Variants in WDR75 observed in about 807,000 individuals in gnomAD.
The protein encoded by WDR75 is WD repeat-containing protein 75.
A neutral mutation model predicts 106.1 loss-of-function variants in WDR75; 52 were observed. The observed-to-expected ratio is 0.49, with a 90% CI of 0.39 to 0.62. The LOEUF is 0.62. Among genes scored for constraint, WDR75 ranks in the 20% least tolerant of loss-of-function variants. The pLI is 0.00. For synonymous variants in WDR75, 333 were observed against 335.5 expected (o/e 0.99, Z 0.08); for missense variants, 905 against 970.3 (o/e 0.93, Z 0.89).
rs563181706 is a variant in WDR75 at position 189,458,392 on chromosome 2, A to G, written c.570-361A>G. ...CCATTTGTCTCAGATCTAATGTCTC[A>G]GGTTTGATTATGCCTCATGCTAAGA... On this transcript the variant is annotated intron_variant, in intron 6 of 20. Transcript: ENST00000314761. Among the ~76,000 whole-genome samples, 10 of 152,304 alleles carry G rather than the reference A, an allele frequency of 6.6e-5. No individual in the cohort carries two copies. The East Asian group carries it at 1.9e-3, about 29-fold the overall frequency.
Position 189,467,617 on chromosome 2 carries a change from T to C in WDR75, c.1597T>C (p.Cys533Arg), listed in dbSNP as rs756824762. 2 of 1,602,714 alleles carry C rather than the reference T, an allele frequency of 1.2e-6. No homozygotes were observed. The highest frequency in any genetic ancestry group is 1.1e-5 in the South Asian group (1 of 88,358). The change falls in exon 14 of 21, where the codon TGT becomes CGT. Residue 533 changes from cysteine (C) to arginine (R), a missense_variant. Physicochemically the swap from Cys to Arg is radical, Grantham distance 180. Coordinates refer to ENST00000314761, the MANE Select transcript of WDR75 (RefSeq NM_032168.3). ...IWDSVTWELK[C>R]TFCQRAGKIR... The stretch of plus-strand genomic sequence containing the variant: ...GGATTCTGTAACATGGGAACTTAAA[T>C]GTACATTTTGCCAACGAGCTGGGAA...
intron 16 of WDR75, among the ~76,000 whole-genome samples, 154 bp downstream of exon 16, chr2:189,469,593 G>C (rs748498470): frequency 4.6e-5 from 7 of 152,128 alleles, no homozygotes; most frequent in Non-Finnish European, 7.4e-5. Flanking sequence ...CTTTGTCATT[G>C]TGTGCGTCCA....
chr2:189,468,398 C>T (rs190108547), intron 14 of WDR75, 77 bp from the exon 15 acceptor site: 32 of 1,318,850 alleles, frequency 2.4e-5, no homozygotes, highest in African/African-American at 2.3e-4. Context: ...ATAGAACAGC[C>T]GCTGGAAGCC....
chr2:189,461,020 C>T (rs906478046), intron 8 of WDR75, among the ~76,000 whole-genome samples: 12 of 152,118 alleles, frequency 7.9e-5, no homozygotes, highest in African/African-American at 2.7e-4. Context: ...GAACTATATG[C>T]ACAATGTATC....
At position 189,451,785 on chromosome 2, in the gene WDR75, T is replaced by C; in HGVS notation, c.283-20T>C. On this transcript the variant is annotated intron_variant, in intron 3 of 20. Coordinates refer to ENST00000314761, the MANE Select transcript of WDR75 (RefSeq NM_032168.3). ...TGGAGGGAACAGACAGTAAACACTA[T>C]GGTGCTCTTTATCTTTCAGACTTTC... The C allele has an allele frequency of 1.2e-6, 2 of 1,602,532 alleles. No individual in the cohort carries two copies. Among genetic ancestry groups the C allele is most frequent in the South Asian group, 1.1e-5 (1 of 90,798 alleles).
chr2:189,463,452 A>G (rs1290716641), intron 9 of WDR75, among the ~76,000 whole-genome samples: 1 of 152,092 alleles, frequency 6.6e-6, no homozygotes. Context: ...TGAAGCTCTA[A>G]CCCAGGGGTG....
intron 8 of WDR75, among the ~76,000 whole-genome samples, chr2:189,462,277 A>G (rs1011236840): frequency 8.5e-5 from 13 of 152,156 alleles, no homozygotes; most frequent in African/African-American, 3.1e-4. Context: ...GTCAGCAACA[A>G]ACTAATCAGA....
At chr2:189,465,007 T>C (rs1363162222) in intron 11 of WDR75, 72 bp from the exon 12 acceptor site, 1 of 1,151,968 alleles carries the variant, frequency 8.7e-7, no homozygotes, top group East Asian at 2.5e-5. Flanking sequence ...AATTATCATT[T>C]CTTGAATGCT....
chr2:189,460,050 T>C (rs1008353671), intron 8 of WDR75, among the ~76,000 whole-genome samples: 2 of 152,366 alleles, frequency 1.3e-5, no homozygotes, highest in African/African-American at 2.4e-5. Context: ...AAAAATACCT[T>C]TAAAGTAAAG....
intron 15 of WDR75, 59 bp from the exon 16 acceptor site, chr2:189,469,285 T>C (rs1028081432): frequency 7.2e-7 from 1 of 1,388,374 alleles, no homozygotes; most frequent in African/African-American, 1.4e-5. Flanking sequence ...AAGAGAAGTT[T>C]TTTAAAGCTT....
chr2:189,474,064 T>A, intron 18 of WDR75, 122 bp from the exon 19 acceptor site: 1 of 1,064,250 alleles, frequency 9.4e-7, no homozygotes. Context: ...TCATACTAAC[T>A]GGATAATTTG....
chr2:189,462,358 CT>C, intron 8 of WDR75, 125 bp from the exon 9 acceptor site: 1 of 1,096,240 alleles, frequency 9.1e-7, no homozygotes, highest in Non-Finnish European at 1.3e-6. Context: ...TACGAAGACA[CT>C]TTTTGTAGCT....
At chr2:189,458,975 C>A (rs1013797949) in intron 7 of WDR75, 103 bp downstream of exon 7, 1 of 1,321,776 alleles carries the variant, frequency 7.6e-7, no homozygotes, top group Non-Finnish European at 1.0e-6. Flanking sequence ...CCTCCCTTTC[C>A]TTTTTTGTGT....
At position 189,451,405 on chromosome 2, in the gene WDR75, C is replaced by G. The variant is rs1686619140; in HGVS notation, c.283-400C>G. 2.6e-5 allele frequency among the ~76,000 whole-genome samples: 4 copies of G among 152,204 alleles called. No individual in the cohort carries two copies. The South Asian group carries it at 8.3e-4, about 32-fold the overall frequency. On this transcript the variant is annotated intron_variant, in intron 3 of 20. Coordinates refer to ENST00000314761, the MANE Select transcript of WDR75 (RefSeq NM_032168.3). ...GCCAAATTGTAGATTGAAAAAAAATCTAGTGATAGGTAAAGTATGGAGAAA... is the reference window on the plus strand; with the variant it reads ...GCCAAATTGTAGATTGAAAAAAAATGTAGTGATAGGTAAAGTATGGAGAAA...
At chr2:189,449,720 A>G in intron 2 of WDR75, 1 of 988,444 alleles carries the variant, frequency 1.0e-6, no homozygotes, top group Non-Finnish European at 1.2e-6. Context: ...GACTTGTTAC[A>G]TTTTACTAGT....
intron 1 of WDR75, 114 bp downstream of exon 1, chr2:189,441,692 T>G (rs1686369426): frequency 1.6e-6 from 2 of 1,228,202 alleles, no homozygotes; most frequent in Non-Finnish European, 2.3e-6. Flanking sequence ...GATATCGGCT[T>G]TGGGTAGAGC....
rs935761336 is a variant in WDR75 at position 189,449,834 on chromosome 2, A to G, written c.217-1069A>G. ...TATGGTTTTACTCCAACATTTTTAC[A>G]TTCCTCTTCTCTGAGTCCATGTCTC... On this transcript the variant is annotated intron_variant, in intron 2 of 20. Transcript: ENST00000314761. 9.9e-5 allele frequency: 97 copies of G among 984,740 alleles called. 1 individual carries two copies. In the African/African-American group the frequency reaches 1.6e-3, roughly 16 times the overall value. 61.0% of individuals were successfully genotyped at this position (984,740 alleles called of 1,614,324 possible).
In WDR75 at chr2:189,465,123, C is replaced by G. The variant is rs775109734; in HGVS notation, c.1158C>G (p.Ile386Met). ...AATATATTAATGATTATGGTCTGAT[C>G]CAAATTGAACTAACAAAGGCTGCAT... is the stretch of plus-strand genomic sequence containing the variant. ...QQEYINDYGLIQIELTKAAFG... is the reference protein window; with the variant it reads ...QQEYINDYGLMQIELTKAAFG... Residue 386 changes from isoleucine (I) to methionine (M), a missense_variant, in exon 12 of 21, where the codon ATC (isoleucine) becomes ATG (methionine). By Grantham distance (10) the Ile-to-Met change is conservative. Coordinates refer to ENST00000314761, the MANE Select transcript of WDR75 (RefSeq NM_032168.3). 2.5e-6 allele frequency: 4 copies of G among 1,610,806 alleles called. No homozygotes were observed. In the South Asian group the frequency reaches 4.4e-5, roughly 18 times the overall value.
At position 189,462,533 on chromosome 2, in the gene WDR75, C is replaced by T. The variant is rs150976700; in HGVS notation, c.828C>T (p.Arg276=). ...GGRESVLVEW[R]DATEKNKEFL... ...GTGAATCTGTACTTGTAGAGTGGCG[C>T]GATGCAACAGAGAAGAATAAGGAGT... The change falls in exon 9 of 21, where the codon CGC becomes CGT. Residue 276 remains arginine (R), a synonymous_variant. Coordinates refer to ENST00000314761, the MANE Select transcript of WDR75 (RefSeq NM_032168.3). The T allele has an allele frequency of 1.1e-5, 17 of 1,613,914 alleles. No homozygotes were observed. Among genetic ancestry groups the T allele is most frequent in the African/African-American group, 5.3e-5 (4 of 74,970 alleles).
Sources: allele counts gnomAD v4.1 joint callset (sites outside exome capture counted in the v4.1 genomes callset), GRCh38; gene constraint gnomAD v4.1.1; transcripts MANE v1.5; gene names NCBI Gene and HGNC (gene_info 2026-07-23, HGNC 2026-07-21).